The following PCDH15 variants were observed in gnomAD, a reference collection of about 807,000 sequenced individuals.
PCDH15 encodes protocadherin related 15, also known as protocadherin-15.
PCDH15 carries 129 observed loss-of-function variants against 178.5 expected under a neutral mutation model. That is an observed-to-expected ratio of 0.72 (90% CI 0.63 to 0.84). PCDH15 has a LOEUF of 0.84. Ranked by LOEUF, PCDH15 falls within the 40% of genes least tolerant of loss-of-function variation. PCDH15 has a pLI of 0.00. For synonymous variants in PCDH15, 800 were observed against 732.0 expected, an observed-to-expected ratio of 1.09 and a Z score of -1.50; for missense variants, 2,230 against 2,099.9, an observed-to-expected ratio of 1.06 and a Z score of -1.21.
chr10:53,848,050 G>T (rs2078094749), intron 28 of PCDH15, among the ~76,000 whole-genome samples: 1 of 151,928 alleles, frequency 6.6e-6, no homozygotes, highest in Admixed American at 6.6e-5. Context: ...TTAAAAAACA[G>T]CAGTACAGAC....
At chr10:54,180,493 C>T (rs1345348330) in intron 13 of PCDH15, among the ~76,000 whole-genome samples, 1 of 152,106 alleles carries the variant, frequency 6.6e-6, no homozygotes, top group Non-Finnish European at 1.5e-5. Context: ...TGCTCATTGT[C>T]ACTTTTGTTT....
intron 3 of PCDH15, among the ~76,000 whole-genome samples, chr10:54,876,925 T>C (rs1954155481): frequency 6.6e-6 from 1 of 152,172 alleles, no homozygotes; most frequent in Non-Finnish European, 1.5e-5. Flanking sequence ...TTGGTTAAAA[T>C]GCTATCAAAC....
chr10:54,167,136 C>T (rs1451076072), intron 13 of PCDH15, among the ~76,000 whole-genome samples: 1 of 152,282 alleles, frequency 6.6e-6, no homozygotes, highest in South Asian at 2.1e-4. Flanking sequence ...AAATTTGGTG[C>T]CGTGACTCGG....
chr10:54,630,106 G>A (rs932297619), intron 2 of PCDH15, among the ~76,000 whole-genome samples: 1 of 150,524 alleles, frequency 6.6e-6, no homozygotes, highest in Non-Finnish European at 1.5e-5. Flanking sequence ...ATGGGAAAAT[G>A]TTCCATGCTC....
At chr10:54,084,669 G>A (rs150456295) in intron 16 of PCDH15, among the ~76,000 whole-genome samples, 371 of 152,090 alleles carry the variant, frequency 2.4e-3, no homozygotes, top group African/African-American at 8.2e-3. Context: ...ACAAGCTACC[G>A]AATTTAAAAC....
chr10:54,207,998 G>A (rs940074908), intron 10 of PCDH15, among the ~76,000 whole-genome samples: 3 of 151,962 alleles, frequency 2.0e-5, no homozygotes, highest in Non-Finnish European at 1.5e-5. Context: ...TTTTAAGCCA[G>A]TTGATAACAT....
chr10:55,502,150 A>G (rs1210177121), intron 2 of PCDH15, among the ~76,000 whole-genome samples: 1 of 151,630 alleles, frequency 6.6e-6, no homozygotes, highest in Non-Finnish European at 1.5e-5. Context: ...GCCTTGAAAC[A>G]TCAGGGCTTT....
At chr10:55,196,466 T>A (rs1046628309) in intron 1 of PCDH15, among the ~76,000 whole-genome samples, 8 of 152,060 alleles carry the variant, frequency 5.3e-5, no homozygotes, top group Admixed American at 6.5e-5. Flanking sequence ...TTTCTTTATG[T>A]CTAATGCCTT....
At chr10:55,238,921 A>G (rs1278843138) in intron 1 of PCDH15, among the ~76,000 whole-genome samples, 1 of 152,170 alleles carries the variant, frequency 6.6e-6, no homozygotes, top group Non-Finnish European at 1.5e-5. Flanking sequence ...ATTTTAAAAT[A>G]TACAATGAAT....
chr10:53,906,920 AAGG>A (rs1408101799), intron 25 of PCDH15: 2 of 152,018 alleles, frequency 1.3e-5, no homozygotes, highest in East Asian at 1.9e-4. Flanking sequence ...TTGTCTCGGG[AAGG>A]AGAAGTCACC....
At chr10:54,630,654 T>C (rs2093677469) in intron 2 of PCDH15, among the ~76,000 whole-genome samples, 1 of 152,038 alleles carries the variant, frequency 6.6e-6, no homozygotes, top group South Asian at 2.1e-4. Context: ...AAAATAAAAA[T>C]TGACAGTTGG....
intron 1 of PCDH15, among the ~76,000 whole-genome samples, chr10:54,738,435 T>C (rs572439411): frequency 1.3e-5 from 2 of 152,208 alleles, no homozygotes; most frequent in South Asian, 4.1e-4. Context: ...TAAAAGGTTT[T>C]ATTTATTTTA....
intron 1 of PCDH15, among the ~76,000 whole-genome samples, chr10:54,701,732 T>C (rs2095311089): frequency 6.6e-6 from 1 of 151,950 alleles, no homozygotes; most frequent in Non-Finnish European, 1.5e-5. Context: ...TTGTAAAAGT[T>C]TCAATTCAAC....
intron 8 of PCDH15, among the ~76,000 whole-genome samples, chr10:54,257,704 G>A (rs2057021758): frequency 6.6e-6 from 1 of 152,040 alleles, no homozygotes; most frequent in Admixed American, 6.6e-5. Context: ...ATTGGAGGGT[G>A]TATGCATACA....
intron 1 of PCDH15, among the ~76,000 whole-genome samples, chr10:55,220,369 A>T (rs1591998499): frequency 6.6e-6 from 1 of 152,036 alleles, no homozygotes; most frequent in African/African-American, 2.4e-5. Context: ...CAGGAATCTA[A>T]CTTGTCATTT....
In PCDH15 at chr10:55,611,007, A is replaced by AAT. The variant is rs1384995250; in HGVS notation, c.-156+16617_-156+16618insAT. On this transcript the variant is annotated intron_variant, in intron 2 of 5. Coordinates refer to the PCDH15 transcript ENST00000613346. The stretch of plus-strand genomic sequence containing the variant: ...AGAATAAAAGAATCTCAGTGTTGTA[A>AAT]GAAATATTTGAGATCATTTCAGTTA... Among the ~76,000 whole-genome samples, 15 of 152,280 alleles carry AAT rather than the reference A, an allele frequency of 9.9e-5. No homozygotes were observed. The East Asian group carries it at 2.9e-3, about 29-fold the overall frequency.
chr10:54,401,823 A>G (rs530647251), intron 3 of PCDH15, among the ~76,000 whole-genome samples: 1 of 151,870 alleles, frequency 6.6e-6, no homozygotes, highest in South Asian at 2.1e-4. Flanking sequence ...TAATTCTACC[A>G]GCATATAAAG....
chr10:55,164,300 A>AT (rs199642847), intron 2 of PCDH15, among the ~76,000 whole-genome samples: 26 of 148,526 alleles, frequency 1.8e-4, no homozygotes, highest in South Asian at 4.3e-4. Context: ...CATAAAATGT[A>AT]TTTTTTTTTT....
chr10:55,617,138 C>T (rs1160392756), intron 2 of PCDH15, among the ~76,000 whole-genome samples: 2 of 151,936 alleles, frequency 1.3e-5, no homozygotes, highest in African/African-American at 4.8e-5. Context: ...TTTGTAAATG[C>T]CTATATGAAA....
Sources: allele counts gnomAD v4.1 joint callset (sites outside exome capture counted in the v4.1 genomes callset), GRCh38; gene constraint gnomAD v4.1.1; transcripts MANE v1.5; gene names NCBI Gene and HGNC (gene_info 2026-07-23, HGNC 2026-07-21).